The following TAFA2 variants were observed in gnomAD, a reference collection of about 807,000 sequenced individuals.
The protein encoded by TAFA2 is TAFA chemokine like family member 2, also known as chemokine-like protein TAFA-2.
In TAFA2, 7 loss-of-function variants were observed where a neutral mutation model predicts 18.8. That is an observed-to-expected ratio of 0.37 (90% CI 0.21 to 0.70). TAFA2 has a LOEUF of 0.70. Ranked by LOEUF, TAFA2 falls within the 30% of genes least tolerant of loss-of-function variation. The pLI, the probability that TAFA2 is intolerant of heterozygous loss-of-function variation, is 0.53. For missense variants in TAFA2, 122 were observed against 158.1 expected, an observed-to-expected ratio of 0.77 and a Z score of 1.23; for synonymous variants, 60 against 54.2, an observed-to-expected ratio of 1.11 and a Z score of -0.47.
At chr12:62,229,419 T>C (rs1755367703) in intron 1 of TAFA2, among the ~76,000 whole-genome samples, 1 of 152,170 alleles carries the variant, frequency 6.6e-6, no homozygotes, top group Non-Finnish European at 1.5e-5. Flanking sequence ...AGGGTTTTTA[T>C]CATAAAGGGA....
intron 1 of TAFA2, among the ~76,000 whole-genome samples, chr12:62,081,025 T>G (rs1033183645): frequency 6.6e-6 from 1 of 152,140 alleles, no homozygotes; most frequent in Non-Finnish European, 1.5e-5. Context: ...AAACCCTGTC[T>G]CTACGAAAAG....
rs188593566 is a variant in TAFA2 at position 61,850,064 on chromosome 12, G to A, written c.106+17256C>T. Reference sequence around the variant, plus strand: ...CAGGGGTGATAGCATCCCCCAAAAGGGTGAGAACTGGTTCATAAAAGGTGA... The same window carrying A: ...CAGGGGTGATAGCATCCCCCAAAAGAGTGAGAACTGGTTCATAAAAGGTGA... On this transcript the variant is annotated intron_variant, in intron 2 of 4. Transcript: ENST00000416284. 2.4e-3 allele frequency among the ~76,000 whole-genome samples: 360 copies of A among 152,038 alleles called. 2 individuals carry two copies. The highest frequency in any genetic ancestry group is 8.2e-3 in the African/African-American group (338 of 41,470).
intron 1 of TAFA2, chr12:62,235,268 A>G: frequency 3.0e-6 from 2 of 661,708 alleles, no homozygotes; most frequent in Admixed American, 2.3e-5. Context: ...GCCCCCCTTC[A>G]TCCACAATCT....
intron 1 of TAFA2, chr12:62,021,995 C>T (rs1881157333): frequency 8.9e-6 from 6 of 673,016 alleles, no homozygotes; most frequent in Admixed American, 3.6e-5. Context: ...AGAGACTCTG[C>T]CTGGGCAATG....
At chr12:61,731,950 A>G (rs1414756203) in intron 4 of TAFA2, among the ~76,000 whole-genome samples, 1 of 152,108 alleles carries the variant, frequency 6.6e-6, no homozygotes, top group Non-Finnish European at 1.5e-5. Context: ...TGTGAAGAAA[A>G]AGATAAAAAT....
intron 4 of TAFA2, among the ~76,000 whole-genome samples, chr12:61,740,870 C>T (rs536078718): frequency 1.4e-5 from 2 of 146,770 alleles, no homozygotes; most frequent in Admixed American, 6.9e-5. Flanking sequence ...AAAAAAAATG[C>T]CATAATACTG....
chr12:61,911,686 CG>C (rs1412433424), intron 1 of TAFA2, among the ~76,000 whole-genome samples: 2 of 151,952 alleles, frequency 1.3e-5, no homozygotes, highest in Non-Finnish European at 2.9e-5. Flanking sequence ...ACCAGAGAAG[CG>C]GAAAGGAAGC....
intron 1 of TAFA2, among the ~76,000 whole-genome samples, chr12:62,131,595 A>C (rs962373970): frequency 1.3e-5 from 2 of 152,018 alleles, no homozygotes; most frequent in African/African-American, 4.8e-5. Flanking sequence ...ACTGCACCAA[A>C]TACATTATAA....
intron 1 of TAFA2, among the ~76,000 whole-genome samples, chr12:62,082,856 A>G (rs1055219817): frequency 2.6e-5 from 4 of 152,196 alleles, no homozygotes; most frequent in African/African-American, 9.6e-5. Flanking sequence ...AGTCATTCAC[A>G]AAAAAGGAAA....
At chr12:61,843,005 A>G (rs1873249729) in intron 2 of TAFA2, among the ~76,000 whole-genome samples, 1 of 152,084 alleles carries the variant, frequency 6.6e-6, no homozygotes, top group South Asian at 2.1e-4. Context: ...ACAAGGAAGA[A>G]GAAACCCGAC....
intron 4 of TAFA2, among the ~76,000 whole-genome samples, chr12:61,743,051 T>G (rs1449605275): frequency 6.6e-6 from 1 of 151,974 alleles, no homozygotes; most frequent in Middle Eastern, 3.2e-3. Context: ...TAACATGGTA[T>G]TTAAAAGCCC....
In TAFA2 at chr12:61,901,259, C is replaced by CTTTTTTT. The variant is rs1203233805; in HGVS notation, c.-1-33840_-1-33834dup. 7.3e-4 allele frequency among the ~76,000 whole-genome samples: 8 copies of CTTTTTTT among 10,902 alleles called. 1 individual carries two copies. Among genetic ancestry groups the CTTTTTTT allele is most frequent in the African/African-American group, 1.1e-3 (1 of 920 alleles). The allele number at this position is 10,902 out of a possible 152,430, so 7.2% of individuals were successfully genotyped here. A position where few individuals can be genotyped will look rare whatever the true frequency, so the allele number is the denominator to read the frequency against. ...TCCAAGTTTTAACTCTTCAATTTCA[C>CTTTTTTT]TTTTTTTTTTTTTTTTTTTTTTTTT... On this transcript the variant is annotated intron_variant, in intron 1 of 4. Transcript: ENST00000416284.
rs564639226 is a variant in TAFA2, at chr12:61,834,946, C to T, written c.106+32374G>A. On this transcript the variant is annotated intron_variant, in intron 2 of 4. Coordinates refer to ENST00000416284, the MANE Select transcript of TAFA2 (RefSeq NM_178539.5). ...GTCACTTCAAACTTAATTCTTGGAACATGTTCTTTTTTCTGTCATTTTCTT... is the reference window on the plus strand; with the variant it reads ...GTCACTTCAAACTTAATTCTTGGAATATGTTCTTTTTTCTGTCATTTTCTT... Among the ~76,000 whole-genome samples the T allele has an allele frequency of 2.0e-5, 3 of 151,892 alleles. No individual in the cohort carries two copies. In the East Asian group the frequency reaches 5.8e-4, roughly 30 times the overall value.
chr12:62,128,641 T>C (rs1048714587), intron 1 of TAFA2, among the ~76,000 whole-genome samples: 3 of 152,030 alleles, frequency 2.0e-5, no homozygotes, highest in African/African-American at 7.2e-5. Context: ...TCTCTTTCCA[T>C]AGCTGTGCAG....
chr12:62,158,386 AG>A (rs1456858939), intron 1 of TAFA2, among the ~76,000 whole-genome samples: 1 of 152,222 alleles, frequency 6.6e-6, no homozygotes, highest in Non-Finnish European at 1.5e-5. Context: ...TTTTGGTACT[AG>A]TCTAAAAGGG....
intron 1 of TAFA2, among the ~76,000 whole-genome samples, chr12:62,071,960 A>G (rs551883464): frequency 3.9e-5 from 6 of 152,330 alleles, no homozygotes; most frequent in African/African-American, 1.4e-4. Flanking sequence ...CACTGCACTA[A>G]TATTTATAAA....
At chr12:61,934,761 GTC>G (rs941749628) in intron 1 of TAFA2, among the ~76,000 whole-genome samples, 2 of 152,130 alleles carry the variant, frequency 1.3e-5, no homozygotes, top group African/African-American at 4.8e-5. Context: ...CTTTCACACT[GTC>G]TCTCTCTATG....
chr12:61,897,980 G>T (rs1215944864), intron 1 of TAFA2, among the ~76,000 whole-genome samples: 4 of 152,196 alleles, frequency 2.6e-5, no homozygotes, highest in African/African-American at 9.7e-5. Flanking sequence ...TTGGATAAAT[G>T]CTCTCATTCC....
chr12:61,835,125 T>C (rs563796345), intron 2 of TAFA2, among the ~76,000 whole-genome samples: 4 of 152,124 alleles, frequency 2.6e-5, no homozygotes, highest in Non-Finnish European at 5.9e-5. Context: ...AACTTTCCTT[T>C]CTTCTTCTGA....
Sources: gnomAD v4.1 joint callset for allele counts (sites outside exome capture counted in the v4.1 genomes callset) on GRCh38, gnomAD v4.1.1 for gene constraint, MANE v1.5 for transcripts, NCBI Gene and HGNC (gene_info 2026-07-23, HGNC 2026-07-21) for gene names.